CRTAP: variants seen among roughly 807,000 people sequenced by gnomAD.
The protein encoded by CRTAP is cartilage associated protein, also known as cartilage-associated protein.
Under a neutral mutation model 42.7 loss-of-function variants are expected in CRTAP, and 33 were observed. That is an observed-to-expected ratio of 0.77 (90% CI 0.59 to 1.03). The LOEUF is 1.03. Ranked by LOEUF, CRTAP falls within the 50% of genes least tolerant of loss-of-function variation. The pLI, the probability that CRTAP is intolerant of heterozygous loss-of-function variation, is 0.00. For synonymous variants in CRTAP, 243 were observed against 217.7 expected (o/e 1.12, Z -1.02); for missense variants, 613 against 533.9 (o/e 1.15, Z -1.46).
At chr3:33,120,574 C>T (rs757152547) in intron 2 of CRTAP, 81 bp downstream of exon 2, 1 of 1,548,614 alleles carries the variant, frequency 6.5e-7, no homozygotes, top group Non-Finnish European at 8.7e-7. Context: ...CTGCTGATAG[C>T]TAAGGACCTC....
At chr3:33,128,512 T>C (rs1419676682) in intron 3 of CRTAP, among the ~76,000 whole-genome samples, 1 of 152,240 alleles carries the variant, frequency 6.6e-6, no homozygotes, top group Non-Finnish European at 1.5e-5. Flanking sequence ...TATATAAATG[T>C]CCTCCTCAGG....
rs2030273593 is a variant in CRTAP at position 33,131,773 on chromosome 3, C to T, written c.923-782C>T. ...CCCTAAGAGCTGGCTTTAAAGTAGTCATTACAGGAAACAGCCACTGGGTGG... is the reference window on the plus strand; with the variant it reads ...CCCTAAGAGCTGGCTTTAAAGTAGTTATTACAGGAAACAGCCACTGGGTGG... On this transcript the variant is annotated intron_variant, in intron 4 of 6. Transcript: ENST00000320954. Among the ~76,000 whole-genome samples, 6 of 152,172 alleles carry T rather than the reference C, an allele frequency of 3.9e-5. No individual in the cohort carries two copies. In the South Asian group the frequency reaches 1.2e-3, roughly 32 times the overall value.
At chr3:33,127,691 A>G (rs1340498785) in intron 3 of CRTAP, among the ~76,000 whole-genome samples, 1 of 151,302 alleles carries the variant, frequency 6.6e-6, no homozygotes, top group African/African-American at 2.4e-5. Flanking sequence ...CAGGTGATCC[A>G]CCCACCTCGG....
intron 4 of CRTAP, among the ~76,000 whole-genome samples, chr3:33,131,922 C>T (rs2030278947): frequency 6.6e-6 from 1 of 151,956 alleles, no homozygotes; most frequent in South Asian, 2.1e-4. Context: ...CTCATCACCT[C>T]TTCCTCATCC....
chr3:33,114,104 G>GGCGCTGCTA lies in CRTAP; in HGVS notation c.36_44dup (p.Ala13_Leu15dup), dbSNP rs777594626. ...TGGAGCCGGGGCGCCGGGGGGCCGCGGCGCTGCTAGCGCTGCTGTGCGTGG... is the reference window on the plus strand; with the variant it reads ...TGGAGCCGGGGCGCCGGGGGGCCGCGGCGCTGCTAGCGCTGCTAGCGCTGCTGTGCGTGG... On this transcript the variant is annotated inframe_insertion, in exon 1 of 7. Transcript: ENST00000320954. 32 of 1,477,440 alleles carry GGCGCTGCTA rather than the reference G, an allele frequency of 2.2e-5. No homozygotes were observed. The highest frequency in any genetic ancestry group is 5.8e-5 in the East Asian group (2 of 34,722). The allele number at this position is 1,477,440 out of a possible 1,614,324, so 91.5% of individuals were successfully genotyped here. A position where few individuals can be genotyped will look rare whatever the true frequency, so the allele number is the denominator to read the frequency against.
At chr3:33,134,495 T>TG (rs1197512866) in intron 6 of CRTAP, among the ~76,000 whole-genome samples, 1 of 152,200 alleles carries the variant, frequency 6.6e-6, no homozygotes, top group African/African-American at 2.4e-5. Context: ...GAAACGGGTG[T>TG]GGGGCCACAC....
In CRTAP at chr3:33,146,984, AAC is replaced by A. The variant is rs2030738716; in HGVS notation, c.*4540_*4541del. ...TAATAGTGTCAGAACATGGAACTGC[AAC>A]ACAGTTTGTAGCAAGGCACTGAGAA... On this transcript the variant is annotated 3_prime_UTR_variant, in exon 7 of 7. Coordinates refer to ENST00000320954, the MANE Select transcript of CRTAP (RefSeq NM_006371.5). The A allele has an allele frequency of 6.6e-6, 1 of 152,660 alleles. No individual in the cohort carries two copies. The highest frequency in any genetic ancestry group is 6.5e-5 in the Admixed American group (1 of 15,288). The allele number at this position is 152,660 out of a possible 1,614,324, so 9.5% of individuals were successfully genotyped here. A position where few individuals can be genotyped will look rare whatever the true frequency, so the allele number is the denominator to read the frequency against.
At chr3:33,141,309 C>T (rs2030564409) in intron 6 of CRTAP, among the ~76,000 whole-genome samples, 4 of 152,172 alleles carry the variant, frequency 2.6e-5, no homozygotes, top group African/African-American at 9.7e-5. Flanking sequence ...TACACATAAT[C>T]CCTCTACTAT....
intron 3 of CRTAP, among the ~76,000 whole-genome samples, chr3:33,125,527 ACTT>A (rs2030039121): frequency 7.1e-6 from 1 of 140,312 alleles, no homozygotes; most frequent in South Asian, 2.2e-4. Context: ...CCTTAAGAAA[ACTT>A]CTTGTTATGG....
At position 33,114,089 on chromosome 3, in the gene CRTAP, G is replaced by A. The variant is rs1392816591; in HGVS notation, c.12G>A (p.Gly4=). Residue 4 remains glycine, a synonymous_variant, in exon 1 of 7, where the codon GGG becomes GGA. Coordinates refer to ENST00000320954, the MANE Select transcript of CRTAP (RefSeq NM_006371.5). MEP[G]RRGAAALLAL... Reference sequence around the variant, plus strand: ...TTTCGCCGGGCGCGATGGAGCCGGGGCGCCGGGGGGCCGCGGCGCTGCTAG... The same window carrying A: ...TTTCGCCGGGCGCGATGGAGCCGGGACGCCGGGGGGCCGCGGCGCTGCTAG... The A allele has an allele frequency of 6.8e-7, 1 of 1,461,340 alleles. No individual in the cohort carries two copies. Among genetic ancestry groups the A allele is most frequent in the South Asian group, 1.3e-5 (1 of 75,738 alleles). 90.5% of individuals were successfully genotyped at this position (1,461,340 alleles called of 1,614,324 possible). A position where few individuals can be genotyped will look rare whatever the true frequency, so the allele number is the denominator to read the frequency against.
intron 3 of CRTAP, 66 bp downstream of exon 3, chr3:33,124,645 C>T: frequency 1.3e-6 from 2 of 1,577,592 alleles, no homozygotes; most frequent in South Asian, 2.2e-5. Flanking sequence ...CTGGTTTCTG[C>T]CTGCATGCCT....
Position 33,127,116 on chromosome 3 carries a change from T to A in CRTAP, c.793+2537T>A, listed in dbSNP as rs1448907996. Among the ~76,000 whole-genome samples the A allele has an allele frequency of 3.8e-3, 458 of 121,152 alleles. 3 individuals are homozygous for A. The highest frequency in any genetic ancestry group is 0.013 in the African/African-American group (423 of 32,866). The allele number at this position is 121,152 out of a possible 152,430, so 79.5% of individuals were successfully genotyped here. ...ATTTGTGGCTTTTTTTTTTTTTTTT[T>A]AAATTTTTGTAGCTATCTTATTTAG... On this transcript the variant is annotated intron_variant, in intron 3 of 6. Transcript: ENST00000320954.
intron 1 of CRTAP, among the ~76,000 whole-genome samples, chr3:33,117,644 G>A (rs994242243): frequency 1.3e-5 from 2 of 152,230 alleles, no homozygotes; most frequent in Non-Finnish European, 2.9e-5. Flanking sequence ...TTGCCTGGCT[G>A]TGGCCTCTAA....
intron 3 of CRTAP, among the ~76,000 whole-genome samples, chr3:33,127,656 C>G (rs1169335812): frequency 6.6e-6 from 1 of 152,086 alleles, no homozygotes; most frequent in African/African-American, 2.4e-5. Flanking sequence ...CCACGTTGGC[C>G]AGGCTGGTCT....
At chr3:33,130,182 C>A in intron 4 of CRTAP, 115 bp downstream of exon 4, 1 of 1,041,656 alleles carries the variant, frequency 9.6e-7, no homozygotes, top group Non-Finnish European at 1.5e-6. Flanking sequence ...CCACTGACAA[C>A]CCTGGTGCTA....
At chr3:33,123,713 T>C (rs2029971259) in intron 2 of CRTAP, among the ~76,000 whole-genome samples, 1 of 140,360 alleles carries the variant, frequency 7.1e-6, no homozygotes, top group South Asian at 2.5e-4. Context: ...TACTGCCACC[T>C]CCGCCTCCTA....
rs1193927431 is a variant in CRTAP at position 33,114,058 on chromosome 3, C to A, written c.-20C>A. 6.9e-7 allele frequency: 1 copy of A among 1,453,540 alleles called. No homozygotes were observed. The allele number at this position is 1,453,540 out of a possible 1,614,324, so 90.0% of individuals were successfully genotyped here. A position where few individuals can be genotyped will look rare whatever the true frequency, so the allele number is the denominator to read the frequency against. On this transcript the variant is annotated 5_prime_UTR_variant, in exon 1 of 7. Coordinates refer to ENST00000320954, the MANE Select transcript of CRTAP (RefSeq NM_006371.5). Reference sequence around the variant, plus strand: ...TTTTCCCTTCCTTCGTCCCTTCCTTCCTTCCTTTCGCCGGGCGCGATGGAG... The same window carrying A: ...TTTTCCCTTCCTTCGTCCCTTCCTTACTTCCTTTCGCCGGGCGCGATGGAG...
intron 2 of CRTAP, among the ~76,000 whole-genome samples, chr3:33,121,683 G>A (rs1190758310): frequency 6.6e-6 from 1 of 152,280 alleles, no homozygotes; most frequent in Non-Finnish European, 1.5e-5. Flanking sequence ...GGTCACCCAG[G>A]TGAGTAGGAA....
At position 33,142,244 on chromosome 3, in the gene CRTAP, A is replaced by T. The variant is rs187804370; in HGVS notation, c.1153-151A>T. On this transcript the variant is annotated intron_variant, in intron 6 of 6. Coordinates refer to ENST00000320954, the MANE Select transcript of CRTAP (RefSeq NM_006371.5). ...GCCGAGGTCCCCTCCACAGGGAGAA[A>T]TCAGGTCCTCTGGGCCCCAGACCAG... 7 of 714,934 alleles carry T rather than the reference A, an allele frequency of 9.8e-6. No individual in the cohort carries two copies. The East Asian group carries it at 1.9e-4, about 19-fold the overall frequency. 44.3% of individuals were successfully genotyped at this position (714,934 alleles called of 1,614,324 possible).
Sources: gnomAD v4.1 joint callset for allele counts (sites outside exome capture counted in the v4.1 genomes callset) on GRCh38, gnomAD v4.1.1 for gene constraint, MANE v1.5 for transcripts, NCBI Gene and HGNC (gene_info 2026-07-23, HGNC 2026-07-21) for gene names.